Variants in ILKAP observed in about 807,000 individuals in gnomAD.
ILKAP encodes the protein integrin-linked kinase-associated serine/threonine phosphatase 2C.
Under a neutral mutation model 49.1 loss-of-function variants are expected in ILKAP, and 11 were observed. That is an observed-to-expected ratio of 0.22 (90% CI 0.14 to 0.37). ILKAP has a LOEUF of 0.37. ILKAP is among the 10% of genes least tolerant of loss of function. The pLI is 1.00. For synonymous variants in ILKAP, 186 were observed against 192.8 expected (o/e 0.96, Z 0.29); for missense variants, 363 against 510.8 (o/e 0.71, Z 2.79).
At chr2:238,203,104 C>A (rs1694642394) in intron 1 of ILKAP, among the ~76,000 whole-genome samples, 1 of 151,596 alleles carries the variant, frequency 6.6e-6, no homozygotes, top group Non-Finnish European at 1.5e-5. Context: ...CGCGGGCGGG[C>A]GACGCGCAAG....
At chr2:238,184,511 A>G (rs1226368718) in intron 6 of ILKAP, among the ~76,000 whole-genome samples, 4 of 152,052 alleles carry the variant, frequency 2.6e-5, no homozygotes, top group South Asian at 2.1e-4. Context: ...ATTTCTGCAC[A>G]TCAATTGATT....
rs1384442119 is a variant in ILKAP, at chr2:238,189,845, C to T, written c.298+8G>A. 1 of 1,613,172 alleles carries T rather than the reference C, an allele frequency of 6.2e-7. No individual in the cohort carries two copies. Among genetic ancestry groups the T allele is most frequent in the Admixed American group, 1.7e-5 (1 of 59,950 alleles). ...TCTAATACATTTGTTTTCAAATTGT[C>T]TGAAAACCTTTACAAACTTTCTTTT... On this transcript the variant is annotated splice_region_variant and intron_variant, in intron 4 of 11. Coordinates refer to ENST00000254654, the MANE Select transcript of ILKAP (RefSeq NM_030768.3).
rs1218953591 is a variant in ILKAP, at chr2:238,203,582, CGACA to C, written c.-33_-30del. 7 of 1,142,490 alleles carry C rather than the reference CGACA, an allele frequency of 6.1e-6. No individual in the cohort carries two copies. The highest frequency in any genetic ancestry group is 7.5e-6 in the Non-Finnish European group (7 of 927,708). 70.8% of individuals were successfully genotyped at this position (1,142,490 alleles called of 1,614,324 possible). On this transcript the variant is annotated 5_prime_UTR_variant, in exon 1 of 12. Coordinates refer to ENST00000254654, the MANE Select transcript of ILKAP (RefSeq NM_030768.3). Reference sequence around the variant, plus strand: ...GGAGGCTGGGTGGAGGCGGCAGCAGCGACAGACACTCAGCCCGCGAGCAGCGGCC... The same window carrying C: ...GGAGGCTGGGTGGAGGCGGCAGCAGCGACACTCAGCCCGCGAGCAGCGGCC...
At chr2:238,187,244 C>A (rs1693944289) in intron 5 of ILKAP, among the ~76,000 whole-genome samples, 1 of 152,196 alleles carries the variant, frequency 6.6e-6, no homozygotes, top group Non-Finnish European at 1.5e-5. Context: ...GACAGCAAGA[C>A]CCTGTCTCAA....
At chr2:238,180,232 G>C (rs1179256384) in intron 9 of ILKAP, among the ~76,000 whole-genome samples, 1 of 152,218 alleles carries the variant, frequency 6.6e-6, no homozygotes, top group East Asian at 1.9e-4. Flanking sequence ...GGCAGACATG[G>C]ATGCTGACTA....
At chr2:238,197,774 C>A (rs878872772) in intron 1 of ILKAP, among the ~76,000 whole-genome samples, 1 of 152,186 alleles carries the variant, frequency 6.6e-6, no homozygotes, top group Admixed American at 6.5e-5. Context: ...GACCATCCTA[C>A]ATTTTGCTGG....
intron 1 of ILKAP, among the ~76,000 whole-genome samples, chr2:238,198,214 C>A (rs924588686): frequency 1.3e-5 from 2 of 151,896 alleles, no homozygotes; most frequent in Non-Finnish European, 2.9e-5. Flanking sequence ...CATAAGGAAA[C>A]TACTGATTAG....
intron 1 of ILKAP, among the ~76,000 whole-genome samples, chr2:238,197,733 C>A (rs901408480): frequency 6.6e-6 from 1 of 152,112 alleles, no homozygotes; most frequent in Non-Finnish European, 1.5e-5. Context: ...CTCTGGAATA[C>A]TATGAGAGGT....
intron 8 of ILKAP, among the ~76,000 whole-genome samples, chr2:238,183,111 C>T (rs560553182): frequency 1.2e-4 from 19 of 152,268 alleles, no homozygotes; most frequent in African/African-American, 3.6e-4. Context: ...ACCCTCTAGG[C>T]TTTACAGCAT....
chr2:238,171,345 G>A (rs111284824), intron 10 of ILKAP, among the ~76,000 whole-genome samples: 1 of 151,912 alleles, frequency 6.6e-6, no homozygotes, highest in Non-Finnish European at 1.5e-5. Context: ...ATTTTTAGTA[G>A]AGACAGGGTT....
chr2:238,191,552 G>GTGGCTTAC (rs1694123252), intron 3 of ILKAP, among the ~76,000 whole-genome samples: 1 of 152,212 alleles, frequency 6.6e-6, no homozygotes, highest in Non-Finnish European at 1.5e-5. Flanking sequence ...TTAGTGTCCT[G>GTGGCTTAC]TGGCTTACTG....
At chr2:238,181,626 T>C (rs1172761041) in intron 9 of ILKAP, among the ~76,000 whole-genome samples, 25 of 134,168 alleles carry the variant, frequency 1.9e-4, no homozygotes, top group Non-Finnish European at 7.7e-5. Context: ...TTTTTTTTGG[T>C]TTTTTTTTTT....
chr2:238,180,653 C>T (rs1422882430), intron 9 of ILKAP, among the ~76,000 whole-genome samples: 1 of 152,224 alleles, frequency 6.6e-6, no homozygotes, highest in African/African-American at 2.4e-5. Flanking sequence ...ACCCACGCTG[C>T]TGGTCTCTTA....
chr2:238,185,889 T>C (rs1314089151), intron 5 of ILKAP: 1 of 152,150 alleles, frequency 6.6e-6, no homozygotes, highest in African/African-American at 2.4e-5. Flanking sequence ...AGGTCTAATA[T>C]TCTAAAAGAG....
chr2:238,180,822 A>G (rs1471049339), intron 9 of ILKAP, among the ~76,000 whole-genome samples: 1 of 152,268 alleles, frequency 6.6e-6, no homozygotes, highest in Non-Finnish European at 1.5e-5. Flanking sequence ...GACTGTCAGT[A>G]TCCAATTATT....
At chr2:238,192,203 T>TA (rs71402770) in intron 3 of ILKAP, among the ~76,000 whole-genome samples, 38,732 of 133,456 alleles carry the variant, frequency 0.29, 5,574 homozygotes, top group South Asian at 0.38. Flanking sequence ...GAGACTGTCT[T>TA]AAAAAAAAAA....
At chr2:238,181,666 A>G (rs1693698461) in intron 9 of ILKAP, among the ~76,000 whole-genome samples, 1 of 145,742 alleles carries the variant, frequency 6.9e-6, no homozygotes, top group South Asian at 2.1e-4. Flanking sequence ...TCTGTTGCCC[A>G]GGCTGGAGTG....
Position 238,189,950 on chromosome 2 carries a change from G to C in ILKAP, c.201C>G (p.Ser67=), listed in dbSNP as rs746179401. Residue 67 remains serine, a synonymous_variant, in exon 4 of 12, where the codon TCC becomes TCG. Coordinates refer to ENST00000254654, the MANE Select transcript of ILKAP (RefSeq NM_030768.3). ...CTTTCCCTTCAGTCTTTACCATCTG[G>C]GATATTGATGTGGCAAGAGAACCTG... The part of the protein sequence containing the change: ...GDSGSLATSI[S]QMVKTEGKGA... 1.2e-6 allele frequency: 2 copies of C among 1,613,804 alleles called. No individual in the cohort carries two copies. Among genetic ancestry groups the C allele is most frequent in the Non-Finnish European group, 1.7e-6 (2 of 1,179,932 alleles).
chr2:238,177,524 T>C (rs1031943221), intron 9 of ILKAP, among the ~76,000 whole-genome samples: 2 of 152,288 alleles, frequency 1.3e-5, no homozygotes, highest in Admixed American at 1.3e-4. Context: ...ATAACCACCA[T>C]TCTACTTTCT....
Sources: gnomAD v4.1 joint callset for allele counts (sites outside exome capture counted in the v4.1 genomes callset) on GRCh38, gnomAD v4.1.1 for gene constraint, MANE v1.5 for transcripts, NCBI Gene and HGNC (gene_info 2026-07-23, HGNC 2026-07-21) for gene names.